The following CTNND2 variants were observed in gnomAD, a reference collection of about 807,000 sequenced individuals.
CTNND2 encodes catenin delta 2.
Under a neutral mutation model 144.4 loss-of-function variants are expected in CTNND2, and 22 were observed. The ratio of observed to expected loss-of-function variants is 0.15; its 90% CI spans 0.11 to 0.22. The LOEUF is 0.22. Among genes scored for constraint, CTNND2 ranks in the 10% least tolerant of loss-of-function variants. CTNND2 has a pLI of 1.00. For missense variants in CTNND2, 1,353 were observed against 1,618.8 expected (o/e 0.84, Z 2.82); for synonymous variants, 751 against 695.6 (o/e 1.08, Z -1.25).
At chr5:11,044,822 T>C (rs1166405039) in intron 16 of CTNND2, among the ~76,000 whole-genome samples, 1 of 152,208 alleles carries the variant, frequency 6.6e-6, no homozygotes, top group Non-Finnish European at 1.5e-5. Context: ...GGTTCTGCTA[T>C]TCCTCATGTG....
chr5:11,461,665 T>C (rs1280546503), intron 3 of CTNND2, among the ~76,000 whole-genome samples: 1 of 152,160 alleles, frequency 6.6e-6, no homozygotes, highest in Admixed American at 6.5e-5. Flanking sequence ...TCATGGACTT[T>C]CCAAGCTGGA....
chr5:11,177,560 A>C (rs926577562), intron 11 of CTNND2, among the ~76,000 whole-genome samples: 1 of 152,080 alleles, frequency 6.6e-6, no homozygotes, highest in African/African-American at 2.4e-5. Flanking sequence ...ATGTATTATA[A>C]GTTATTAAGA....
At chr5:11,654,292 TAC>T (rs978320769) in intron 2 of CTNND2, among the ~76,000 whole-genome samples, 1 of 152,082 alleles carries the variant, frequency 6.6e-6, no homozygotes, top group African/African-American at 2.4e-5. Flanking sequence ...TGGTGCAGAT[TAC>T]AGTCATTCAA....
intron 10 of CTNND2, among the ~76,000 whole-genome samples, chr5:11,205,612 C>T (rs1737963690): frequency 6.6e-6 from 1 of 152,102 alleles, no homozygotes; most frequent in East Asian, 1.9e-4. Context: ...CACTGAATTT[C>T]AAGCCTTACT....
At chr5:11,131,794 A>G (rs548071809) in intron 12 of CTNND2, among the ~76,000 whole-genome samples, 62 of 152,324 alleles carry the variant, frequency 4.1e-4, no homozygotes, top group African/African-American at 1.4e-3. Context: ...GTCTCAAAAA[A>G]AAAAACAAAA....
intron 16 of CTNND2, among the ~76,000 whole-genome samples, chr5:11,054,022 G>C (rs548243502): frequency 4.5e-4 from 68 of 152,316 alleles, no homozygotes; most frequent in Middle Eastern, 3.4e-3. Flanking sequence ...TGGAGAAAAG[G>C]CATCATCACA....
intron 2 of CTNND2, among the ~76,000 whole-genome samples, chr5:11,731,489 A>G (rs1787387252): frequency 6.6e-6 from 1 of 152,212 alleles, no homozygotes; most frequent in African/African-American, 2.4e-5. Context: ...AGAAGCAGTA[A>G]CTAAAAGAAT....
intron 16 of CTNND2, among the ~76,000 whole-genome samples, chr5:11,078,791 T>A (rs1486143385): frequency 6.6e-6 from 1 of 151,762 alleles, no homozygotes; most frequent in Non-Finnish European, 1.5e-5. Context: ...AAGAAAAGAG[T>A]ATATGGGAAG....
intron 7 of CTNND2, among the ~76,000 whole-genome samples, chr5:11,383,233 G>C (rs1015796271): frequency 1.3e-5 from 2 of 152,116 alleles, no homozygotes; most frequent in African/African-American, 2.4e-5. Flanking sequence ...CTGCGCCTCA[G>C]TCTCCTCTTC....
chr5:11,057,123 T>C (rs756503957), intron 16 of CTNND2, among the ~76,000 whole-genome samples: 1 of 152,204 alleles, frequency 6.6e-6, no homozygotes, highest in Non-Finnish European at 1.5e-5. Context: ...TCTCCAAGTA[T>C]AGGACAGCTA....
intron 10 of CTNND2, among the ~76,000 whole-genome samples, chr5:11,204,614 T>C (rs1737848788): frequency 6.6e-6 from 1 of 152,200 alleles, no homozygotes; most frequent in African/African-American, 2.4e-5. Flanking sequence ...GACAATAGCA[T>C]ATATTTGCCA....
chr5:11,376,079 C>G (rs1033380793), intron 7 of CTNND2, among the ~76,000 whole-genome samples: 1 of 151,958 alleles, frequency 6.6e-6, no homozygotes, highest in Admixed American at 6.6e-5. Context: ...AAGGGGCCAT[C>G]GATGAGCCGA....
chr5:11,734,733 C>G (rs1787584407), intron 1 of CTNND2, among the ~76,000 whole-genome samples: 1 of 152,128 alleles, frequency 6.6e-6, no homozygotes, highest in Non-Finnish European at 1.5e-5. Flanking sequence ...TCCACAGTAG[C>G]CTTTGCCCTA....
intron 12 of CTNND2, among the ~76,000 whole-genome samples, chr5:11,136,415 G>A (rs951691937): frequency 2.0e-5 from 3 of 152,020 alleles, no homozygotes; most frequent in African/African-American, 7.3e-5. Context: ...CAAGAGACAC[G>A]AAAGAAGATA....
At chr5:11,535,647 T>C (rs1402486069) in intron 3 of CTNND2, among the ~76,000 whole-genome samples, 1 of 152,188 alleles carries the variant, frequency 6.6e-6, no homozygotes, top group Non-Finnish European at 1.5e-5. Context: ...ATTAAAACTA[T>C]GGTATTTTAT....
chr5:11,337,033 G>A (rs1753805698), intron 9 of CTNND2, among the ~76,000 whole-genome samples: 1 of 152,028 alleles, frequency 6.6e-6, no homozygotes, highest in Non-Finnish European at 1.5e-5. Context: ...GGGTAGCAGG[G>A]GTGCTGTCCT....
intron 1 of CTNND2, among the ~76,000 whole-genome samples, chr5:11,788,063 A>C (rs555601629): frequency 3.8e-4 from 58 of 152,362 alleles, no homozygotes; most frequent in African/African-American, 1.4e-3. Flanking sequence ...TTTTTTAAGA[A>C]GATTTCAAAA....
intron 2 of CTNND2, among the ~76,000 whole-genome samples, chr5:11,581,242 T>C (rs1464022491): frequency 6.6e-6 from 1 of 152,122 alleles, no homozygotes; most frequent in Non-Finnish European, 1.5e-5. Flanking sequence ...GGGACATGCA[T>C]CCCAAATTTT....
At chr5:11,703,284 A>G (rs1785536988) in intron 2 of CTNND2, among the ~76,000 whole-genome samples, 2 of 152,252 alleles carry the variant, frequency 1.3e-5, no homozygotes, top group African/African-American at 4.8e-5. Context: ...GTTTACAGAT[A>G]TATGTTTATA....
Sources: gnomAD v4.1 joint callset for allele counts (sites outside exome capture counted in the v4.1 genomes callset) on GRCh38, gnomAD v4.1.1 for gene constraint, MANE v1.5 for transcripts, NCBI Gene and HGNC (gene_info 2026-07-23, HGNC 2026-07-21) for gene names.